Variants in LMAN2L observed in about 807,000 individuals in gnomAD.
The protein encoded by LMAN2L is lectin, mannose binding 2 like.
LMAN2L carries 30 observed loss-of-function variants against 44.3 expected under a neutral mutation model. The observed-to-expected ratio is 0.68, with a 90% CI of 0.51 to 0.92. LMAN2L has a LOEUF of 0.92. LMAN2L is among the 40% of genes least tolerant of loss of function. The pLI, the probability that LMAN2L is intolerant of heterozygous loss-of-function variation, is 0.00. For synonymous variants in LMAN2L, 183 were observed against 171.1 expected (o/e 1.07, Z -0.54); for missense variants, 429 against 446.1 (o/e 0.96, Z 0.35).
intron 4 of LMAN2L, among the ~76,000 whole-genome samples, chr2:96,727,880 C>T (rs1346609336): frequency 1.3e-5 from 2 of 152,178 alleles, no homozygotes; most frequent in Non-Finnish European, 2.9e-5. Context: ...CAATAATAAT[C>T]AGACTGGAGT....
chr2:96,723,244 G>A (rs1470977686), intron 4 of LMAN2L, among the ~76,000 whole-genome samples: 3 of 152,152 alleles, frequency 2.0e-5, no homozygotes. Flanking sequence ...CATTCTAGCG[G>A]GTGTAAAGTA....
intron 4 of LMAN2L, among the ~76,000 whole-genome samples, chr2:96,732,219 T>C (rs541675678): frequency 6.6e-6 from 1 of 151,268 alleles, no homozygotes; most frequent in South Asian, 2.1e-4. Context: ...ATGTGACCTT[T>C]GCCTCTATTT....
At chr2:96,732,477 C>A (rs2078422152) in intron 4 of LMAN2L, among the ~76,000 whole-genome samples, 1 of 151,774 alleles carries the variant, frequency 6.6e-6, no homozygotes, top group Non-Finnish European at 1.5e-5. Context: ...AACCCCGTCT[C>A]TACTAAAAAT....
intron 4 of LMAN2L, among the ~76,000 whole-genome samples, chr2:96,716,213 A>C (rs949032659): frequency 1.3e-5 from 2 of 152,248 alleles, no homozygotes; most frequent in African/African-American, 4.8e-5. Context: ...ATTAAAATAC[A>C]ATAATGACAG....
At chr2:96,738,176 G>A (rs2078556367) in intron 1 of LMAN2L, 109 bp from the exon 2 acceptor site, 1 of 701,172 alleles carries the variant, frequency 1.4e-6, no homozygotes, top group Non-Finnish European at 2.5e-6. Flanking sequence ...CCCCTTTAAT[G>A]TCACTCAATC....
chr2:96,736,468 T>C (rs953783158), intron 2 of LMAN2L, among the ~76,000 whole-genome samples: 1 of 152,158 alleles, frequency 6.6e-6, no homozygotes, highest in Non-Finnish European at 1.5e-5. Flanking sequence ...CTAGAGGCTA[T>C]ACTAGAACTG....
At chr2:96,726,611 C>T (rs1481919899) in intron 4 of LMAN2L, among the ~76,000 whole-genome samples, 5 of 151,570 alleles carry the variant, frequency 3.3e-5, no homozygotes, top group East Asian at 1.9e-4. Context: ...GGCAAACTCC[C>T]GTCACTACTA....
Position 96,739,992 on chromosome 2 carries a change from A to G in LMAN2L, c.49T>C (p.Cys17Arg), listed in dbSNP as rs376253936. 8 of 1,613,450 alleles carry G rather than the reference A, an allele frequency of 5.0e-6. No individual in the cohort carries two copies. The highest frequency in any genetic ancestry group is 5.9e-6 in the Non-Finnish European group (7 of 1,179,974). ...PLGSWQQWRR[C>R]LSARDGSRML... ...CTGGACCCATCCCGAGCCGACAAAC[A>G]TCGCCGCCACTGCTGCCACGACCCA... is the stretch of plus-strand genomic sequence containing the variant. The change falls in exon 1 of 8, where the codon TGT becomes CGT. Residue 17 changes from cysteine (C) to arginine (R), a missense_variant. Coordinates refer to ENST00000264963, the MANE Select transcript of LMAN2L (RefSeq NM_030805.4).
At chr2:96,710,491 C>T (rs756466432) in intron 6 of LMAN2L, among the ~76,000 whole-genome samples, 3 of 152,090 alleles carry the variant, frequency 2.0e-5, no homozygotes, top group Non-Finnish European at 4.4e-5. Context: ...CATGGTGAAA[C>T]CCCGTTTCTA....
chr2:96,727,746 C>A (rs2078299685), intron 4 of LMAN2L, among the ~76,000 whole-genome samples: 1 of 152,196 alleles, frequency 6.6e-6, no homozygotes, highest in Non-Finnish European at 1.5e-5. Flanking sequence ...GTTCCACACG[C>A]CCTCCTACCT....
chr2:96,720,610 C>T (rs2078131231), intron 4 of LMAN2L, among the ~76,000 whole-genome samples: 1 of 151,980 alleles, frequency 6.6e-6, no homozygotes, highest in Non-Finnish European at 1.5e-5. Flanking sequence ...AGCTACTGTG[C>T]CTGCCCACTG....
chr2:96,716,415 G>A (rs1439420781), intron 4 of LMAN2L, among the ~76,000 whole-genome samples: 1 of 152,166 alleles, frequency 6.6e-6, no homozygotes, highest in Admixed American at 6.5e-5. Flanking sequence ...CTGGCATCTA[G>A]GAGCCACTCT....
intron 2 of LMAN2L, among the ~76,000 whole-genome samples, chr2:96,735,550 G>A (rs535399040): frequency 6.6e-6 from 1 of 152,256 alleles, no homozygotes; most frequent in East Asian, 1.9e-4. Context: ...TACGATTTCA[G>A]AGAAACGGCC....
intron 1 of LMAN2L, among the ~76,000 whole-genome samples, chr2:96,738,573 G>A (rs1299200027): frequency 2.0e-5 from 3 of 152,096 alleles, no homozygotes; most frequent in African/African-American, 7.2e-5. Context: ...CTACTCAGGA[G>A]GCTGAGTTGG....
intron 6 of LMAN2L, among the ~76,000 whole-genome samples, chr2:96,708,632 CCACACACGTGCACACA>C (rs767023611): frequency 9.5e-4 from 145 of 152,130 alleles, no homozygotes; most frequent in Non-Finnish European, 1.6e-3. Flanking sequence ...CTGGTGAAGA[CCACACACGTGCACACA>C]CACACACGTA....
At chr2:96,730,558 CA>C (rs1019256245) in intron 4 of LMAN2L, among the ~76,000 whole-genome samples, 44 of 152,302 alleles carry the variant, frequency 2.9e-4, no homozygotes, top group African/African-American at 1.0e-3. Context: ...TTGTAGAATG[CA>C]AGGTGAACAG....
At chr2:96,709,743 A>G (rs915584130) in intron 6 of LMAN2L, among the ~76,000 whole-genome samples, 8 of 152,254 alleles carry the variant, frequency 5.3e-5, no homozygotes, top group Non-Finnish European at 8.8e-5. Context: ...ACAACCTACT[A>G]TACAACAAGT....
rs1381488419 is a variant in LMAN2L at position 96,734,434 on chromosome 2, C to T, written c.399G>A (p.Trp133Ter). 1 of 1,611,348 alleles carries T rather than the reference C, an allele frequency of 6.2e-7. No homozygotes were observed. Among genetic ancestry groups the T allele is most frequent in the Non-Finnish European group, 8.5e-7 (1 of 1,177,442 alleles). Residue 133 changes from tryptophan to a stop codon, truncating the protein, a stop_gained, in exon 3 of 8, where the codon TGG becomes TGA. Coordinates refer to ENST00000264963, the MANE Select transcript of LMAN2L (RefSeq NM_030805.4). LOFTEE classifies it high-confidence loss of function. ...KNLHGDGLAIWYTKDRMQPGP... is the reference protein window; with the variant it reads ...KNLHGDGLAI ...CTGGCTGCATCCGATCCTTTGTGTACCAGATTGCCAAGCCATCCCCATGCA... is the reference window on the plus strand; with the variant it reads ...CTGGCTGCATCCGATCCTTTGTGTATCAGATTGCCAAGCCATCCCCATGCA...
At position 96,711,711 on chromosome 2, in the gene LMAN2L, G is replaced by C. The variant is rs1315800144; in HGVS notation, c.729C>G (p.Val243=). The C allele has an allele frequency of 1.2e-6, 2 of 1,614,110 alleles. No individual in the cohort carries two copies. Among genetic ancestry groups the C allele is most frequent in the South Asian group, 2.2e-5 (2 of 91,080 alleles). Residue 243 remains valine, a synonymous_variant, in exon 6 of 8, where the codon GTC becomes GTG. Transcript: ENST00000264963. ...CGAAGTAGTAGCCGCGGGGCAGGCGGACTCCGGGCACTTCAATGCAGTCCC... is the reference window on the plus strand; with the variant it reads ...CGAAGTAGTAGCCGCGGGGCAGGCGCACTCCGGGCACTTCAATGCAGTCCC... ...EWRDCIEVPG[V]RLPRGYYFGT...
Sources: gnomAD v4.1 joint callset for allele counts (sites outside exome capture counted in the v4.1 genomes callset) on GRCh38, gnomAD v4.1.1 for gene constraint, MANE v1.5 for transcripts, NCBI Gene and HGNC (gene_info 2026-07-23, HGNC 2026-07-21) for gene names.